Variants in PIBF1 observed in about 807,000 individuals in gnomAD.
The protein encoded by PIBF1 is progesterone immunomodulatory binding factor 1.
PIBF1 carries 90 observed loss-of-function variants against 112.5 expected under a neutral mutation model. The ratio of observed to expected loss-of-function variants is 0.80; its 90% CI spans 0.67 to 0.95. The LOEUF (loss-of-function observed/expected upper bound fraction) is 0.95, where lower values mean the gene tolerates loss of function less well. Ranked by LOEUF, PIBF1 falls within the 40% of genes least tolerant of loss-of-function variation. PIBF1 has a pLI of 0.00. For synonymous variants in PIBF1, 301 were observed against 288.6 expected (o/e 1.04, Z -0.44); for missense variants, 915 against 852.3 (o/e 1.07, Z -0.92).
chr13:72,882,135 C>G (rs1015823964), intron 10 of PIBF1, among the ~76,000 whole-genome samples: 1 of 152,022 alleles, frequency 6.6e-6, no homozygotes, highest in Non-Finnish European at 1.5e-5. Flanking sequence ...AGAAACAAAT[C>G]CATACATCTC....
chr13:72,973,916 A>G, intron 16 of PIBF1: 1 of 463,722 alleles, frequency 2.2e-6, no homozygotes, highest in Non-Finnish European at 3.8e-6. Flanking sequence ...CATATTATTT[A>G]ATAATAATCT....
chr13:72,851,523 T>C (rs1181605949), intron 9 of PIBF1, among the ~76,000 whole-genome samples: 3 of 152,200 alleles, frequency 2.0e-5, no homozygotes, highest in African/African-American at 7.2e-5. Context: ...GGTGTCTTGG[T>C]GCAGGCCTGC....
In PIBF1 at chr13:72,835,299, G is replaced by C. The variant is rs1436353158; in HGVS notation, c.1154G>C (p.Arg385Thr). The change falls in exon 9 of 18, where the codon AGA (arginine) becomes ACA (threonine). Residue 385 changes from arginine (R) to threonine (T), a missense_variant. Physicochemically the swap from Arg to Thr is moderately conservative, Grantham distance 71. Transcript: ENST00000326291. ...CTACATGATGAACTAGAACAAATCAGATTGAAAACCAACCAAGAAATTGAT... is the reference window on the plus strand; with the variant it reads ...CTACATGATGAACTAGAACAAATCACATTGAAAACCAACCAAGAAATTGAT... Reference protein sequence around the residue: ...NKLHDELEQIRLKTNQEIDQL... With the variant: ...NKLHDELEQITLKTNQEIDQL... 6.3e-7 allele frequency: 1 copy of C among 1,596,628 alleles called. No homozygotes were observed. Among genetic ancestry groups the C allele is most frequent in the Non-Finnish European group, 8.5e-7 (1 of 1,171,868 alleles).
At chr13:72,939,697 A>C (rs2041962301) in intron 14 of PIBF1, among the ~76,000 whole-genome samples, 1 of 152,194 alleles carries the variant, frequency 6.6e-6, no homozygotes, top group South Asian at 2.1e-4. Context: ...GAACACGCAA[A>C]TACAAGCAAA....
chr13:72,892,085 C>T (rs2040079651), intron 10 of PIBF1, among the ~76,000 whole-genome samples: 2 of 151,918 alleles, frequency 1.3e-5, no homozygotes, highest in South Asian at 4.2e-4. Flanking sequence ...AATTAAAATG[C>T]TTTTAATTAG....
chr13:72,927,064 CTTT>C (rs555171205), intron 13 of PIBF1, among the ~76,000 whole-genome samples: 5 of 141,858 alleles, frequency 3.5e-5, no homozygotes, highest in Admixed American at 7.1e-5. Flanking sequence ...TAGTAATTTC[CTTT>C]TTTTTTTTTT....
At chr13:72,996,142 A>G (rs944339475) in intron 16 of PIBF1, among the ~76,000 whole-genome samples, 1 of 131,110 alleles carries the variant, frequency 7.6e-6, no homozygotes. Context: ...AAAAATTGCC[A>G]CTCATATTAA....
At chr13:72,918,031 A>G (rs764538015) in intron 13 of PIBF1, among the ~76,000 whole-genome samples, 1 of 152,160 alleles carries the variant, frequency 6.6e-6, no homozygotes, top group Non-Finnish European at 1.5e-5. Flanking sequence ...AATTATACCT[A>G]CATTAATCAG....
At chr13:72,807,313 G>A (rs567009675) in intron 5 of PIBF1, among the ~76,000 whole-genome samples, 2 of 152,042 alleles carry the variant, frequency 1.3e-5, no homozygotes, top group South Asian at 4.2e-4. Context: ...AGTGGCTCTC[G>A]CCTGTAATCT....
chr13:72,946,945 C>T (rs890629722), intron 14 of PIBF1, among the ~76,000 whole-genome samples: 2 of 152,180 alleles, frequency 1.3e-5, no homozygotes, highest in African/African-American at 4.8e-5. Flanking sequence ...ATCTACAGTT[C>T]TGGGGTCTGG....
At chr13:72,861,350 T>C (rs1245047073) in intron 10 of PIBF1, among the ~76,000 whole-genome samples, 1 of 152,104 alleles carries the variant, frequency 6.6e-6, no homozygotes, top group Non-Finnish European at 1.5e-5. Flanking sequence ...TCATTGCAAG[T>C]ATTTTTAAAT....
intron 14 of PIBF1, among the ~76,000 whole-genome samples, chr13:72,938,249 T>C (rs546453169): frequency 6.6e-6 from 1 of 152,238 alleles, no homozygotes; most frequent in East Asian, 1.9e-4. Flanking sequence ...TACGATTTAG[T>C]AGCTCATGGT....
chr13:72,828,520 T>TA (rs2036938832), intron 8 of PIBF1, among the ~76,000 whole-genome samples: 1 of 152,132 alleles, frequency 6.6e-6, no homozygotes, highest in African/African-American at 2.4e-5. Flanking sequence ...AGTGAGAACA[T>TA]ACGGTGTTTG....
intron 11 of PIBF1, among the ~76,000 whole-genome samples, chr13:72,907,551 C>A (rs1462198710): frequency 6.6e-6 from 1 of 152,032 alleles, no homozygotes; most frequent in African/African-American, 2.4e-5. Flanking sequence ...AATTTATCAT[C>A]TCATTTAATT....
rs138959044 is a variant in PIBF1 at position 72,966,126 on chromosome 13, A to G, written c.1964+722A>G. 5.1e-3 allele frequency among the ~76,000 whole-genome samples: 773 copies of G among 152,304 alleles called. 5 individuals are homozygous for G. Among genetic ancestry groups the G allele is most frequent in the Non-Finnish European group, 8.6e-3 (583 of 68,000 alleles). On this transcript the variant is annotated intron_variant, in intron 15 of 17. Coordinates refer to ENST00000326291, the MANE Select transcript of PIBF1 (RefSeq NM_006346.4). ...ATTAACTGATTATCAATGTAAAAGC[A>G]GAGAATTAAGTGGGAATAGAAATGG... is the stretch of plus-strand genomic sequence containing the variant.
At chr13:72,909,665 G>C (rs1210380364) in intron 12 of PIBF1, among the ~76,000 whole-genome samples, 3 of 151,794 alleles carry the variant, frequency 2.0e-5, no homozygotes, top group Non-Finnish European at 4.4e-5. Context: ...AGCTCATTTT[G>C]TATTTTTAGT....
chr13:72,985,178 C>CA (rs1468129999), intron 16 of PIBF1, among the ~76,000 whole-genome samples: 3 of 151,718 alleles, frequency 2.0e-5, no homozygotes, highest in African/African-American at 7.2e-5. Flanking sequence ...GAGACACACA[C>CA]ACAAAAAAAA....
chr13:72,908,777 G>C (rs1337403029), intron 12 of PIBF1, 96 bp downstream of exon 12: 6 of 1,114,066 alleles, frequency 5.4e-6, no homozygotes, highest in Non-Finnish European at 7.6e-6. Flanking sequence ...GATCAGGCAC[G>C]GTGGCTCATG....
At chr13:72,959,674 A>G (rs182799193) in intron 14 of PIBF1, among the ~76,000 whole-genome samples, 90 of 152,348 alleles carry the variant, frequency 5.9e-4, no homozygotes, top group African/African-American at 2.1e-3. Flanking sequence ...TTTTAAGAGA[A>G]AAATTGTAAT....
Sources: allele counts gnomAD v4.1 joint callset (sites outside exome capture counted in the v4.1 genomes callset), GRCh38; gene constraint gnomAD v4.1.1; transcripts MANE v1.5; gene names NCBI Gene and HGNC (gene_info 2026-07-23, HGNC 2026-07-21).